Variants in RIMKLB observed in about 807,000 individuals in gnomAD.
RIMKLB encodes the protein beta-citrylglutamate synthase B.
In RIMKLB, 7 loss-of-function variants were observed where a neutral mutation model predicts 32.0. That is an observed-to-expected ratio of 0.22 (90% CI 0.12 to 0.41). The LOEUF (loss-of-function observed/expected upper bound fraction) is 0.41. Among genes scored for constraint, RIMKLB ranks in the 10% least tolerant of loss-of-function variants. RIMKLB has a pLI of 1.00. For missense variants in RIMKLB, 289 were observed against 498.7 expected, an observed-to-expected ratio of 0.58 and a Z score of 4.00; for synonymous variants, 172 against 185.1, an observed-to-expected ratio of 0.93 and a Z score of 0.57.
chr12:8,690,729 C>A (rs1942708090), intron 1 of RIMKLB, among the ~76,000 whole-genome samples: 1 of 152,172 alleles, frequency 6.6e-6, no homozygotes, highest in South Asian at 2.1e-4. Context: ...TCGAGACCAT[C>A]CCAGCCAACA....
intron 1 of RIMKLB, among the ~76,000 whole-genome samples, chr12:8,704,971 A>AACACAC (rs3076182): frequency 0.013 from 1,842 of 146,654 alleles, 42 homozygotes; most frequent in African/African-American, 0.041. Flanking sequence ...TCACCTCTAA[A>AACACAC]ACACACACAC....
At chr12:8,707,400 G>C (rs1943981592) in intron 1 of RIMKLB, among the ~76,000 whole-genome samples, 1 of 152,214 alleles carries the variant, frequency 6.6e-6, no homozygotes, top group African/African-American at 2.4e-5. Flanking sequence ...CAGATGAAAA[G>C]GTGCCTAGGG....
intron 1 of RIMKLB, among the ~76,000 whole-genome samples, chr12:8,688,702 A>G (rs781730567): frequency 6.6e-6 from 1 of 152,278 alleles, no homozygotes; most frequent in African/African-American, 2.4e-5. Flanking sequence ...TATATAATTA[A>G]AAAAACTTGT....
chr12:8,749,331 C>A (rs775898040), intron 2 of RIMKLB, among the ~76,000 whole-genome samples: 1 of 152,098 alleles, frequency 6.6e-6, no homozygotes, highest in Non-Finnish European at 1.5e-5. Context: ...CTGCCTCAGC[C>A]TCCCGAGTAG....
chr12:8,710,241 A>C (rs1591674019), intron 1 of RIMKLB, among the ~76,000 whole-genome samples: 1 of 144,526 alleles, frequency 6.9e-6, no homozygotes. Flanking sequence ...TGATCTGCCC[A>C]CCTCAGCCTC....
chr12:8,675,099 G>A, the RIMKLB span, among the ~76,000 whole-genome samples: 4 of 152,238 alleles, frequency 2.6e-5, no homozygotes, highest in African/African-American at 9.6e-5. Flanking sequence ...CCAACCTCAG[G>A]TGATCCACCC....
chr12:8,709,753 C>T (rs761885763), intron 1 of RIMKLB, among the ~76,000 whole-genome samples: 8 of 152,294 alleles, frequency 5.3e-5, no homozygotes, highest in Admixed American at 1.3e-4. Context: ...GTGGGAGAGA[C>T]ACCGCATTCA....
the RIMKLB span, among the ~76,000 whole-genome samples, chr12:8,671,694 C>T: frequency 4.6e-5 from 7 of 152,020 alleles, no homozygotes; most frequent in Admixed American, 3.3e-4. Flanking sequence ...GGGTGGATCA[C>T]GAGGTCAGGA....
chr12:8,746,495 G>A (rs936660384), intron 2 of RIMKLB, among the ~76,000 whole-genome samples: 2 of 151,228 alleles, frequency 1.3e-5, no homozygotes, highest in Non-Finnish European at 2.9e-5. Flanking sequence ...CTACTTAGGA[G>A]GCTGAGGCAG....
chr12:8,690,612 G>A (rs772777191), intron 1 of RIMKLB, among the ~76,000 whole-genome samples: 6 of 152,222 alleles, frequency 3.9e-5, no homozygotes, highest in African/African-American at 1.2e-4. Context: ...CTGTGTCTCC[G>A]TTTGCTCATC....
chr12:8,765,644 C>G (rs1949896815), intron 5 of RIMKLB, among the ~76,000 whole-genome samples: 1 of 152,114 alleles, frequency 6.6e-6, no homozygotes, highest in African/African-American at 2.4e-5. Flanking sequence ...TCTGACTGGG[C>G]CGAATTCTCC....
intron 1 of RIMKLB, among the ~76,000 whole-genome samples, chr12:8,713,023 CAGAG>C (rs1278662471): frequency 6.6e-6 from 1 of 152,074 alleles, no homozygotes; most frequent in South Asian, 2.1e-4. Context: ...GATACAAACT[CAGAG>C]AAGCAACACC....
At chr12:8,728,334 C>T (rs1046650506) in intron 2 of RIMKLB, among the ~76,000 whole-genome samples, 1 of 152,166 alleles carries the variant, frequency 6.6e-6, no homozygotes, top group African/African-American at 2.4e-5. Flanking sequence ...GTAAAAGGAA[C>T]TGGAGTAAAT....
At chr12:8,758,564 C>G (rs1351275679) in intron 5 of RIMKLB, among the ~76,000 whole-genome samples, 1 of 152,120 alleles carries the variant, frequency 6.6e-6, no homozygotes, top group Non-Finnish European at 1.5e-5. Flanking sequence ...TAATGTCAAG[C>G]ATATTCATCT....
At chr12:8,741,655 C>T (rs1471637669) in intron 2 of RIMKLB, among the ~76,000 whole-genome samples, 2 of 151,040 alleles carry the variant, frequency 1.3e-5, no homozygotes, top group African/African-American at 4.9e-5. Flanking sequence ...TGGCGGGTGC[C>T]TGTAGTCCCA....
rs1943002415 is a variant in RIMKLB, at chr12:8,698,061, G to A, written c.-293G>A. On this transcript the variant is annotated 5_prime_UTR_variant, in exon 1 of 6. Transcript: ENST00000535829. ...TGGGAGTGAGAGTGTGTGGGAGTGG[G>A]GTGAGGGAGAAGCTGACGGGACGCG... is the stretch of plus-strand genomic sequence containing the variant. 7 of 262,776 alleles carry A rather than the reference G, an allele frequency of 2.7e-5. No homozygotes were observed. The Admixed American group carries it at 3.5e-4, about 13-fold the overall frequency. The allele number at this position is 262,776 out of a possible 1,614,324, so 16.3% of individuals were successfully genotyped here. A position where few individuals can be genotyped will look rare whatever the true frequency, so the allele number is the denominator to read the frequency against.
At chr12:8,747,561 CTTATT>C (rs1478152850) in intron 2 of RIMKLB, among the ~76,000 whole-genome samples, 7 of 151,960 alleles carry the variant, frequency 4.6e-5, no homozygotes, top group East Asian at 1.9e-4. Context: ...GAGCAAGGAC[CTTATT>C]TTATTTATTA....
chr12:8,775,349 A>G lies in RIMKLB; in HGVS notation c.*1565A>G. 1.0e-6 allele frequency: 1 copy of G among 985,360 alleles called. No homozygotes were observed. The highest frequency in any genetic ancestry group is 1.2e-6 in the Non-Finnish European group (1 of 829,862). 61.0% of individuals were successfully genotyped at this position (985,360 alleles called of 1,614,324 possible). On this transcript the variant is annotated 3_prime_UTR_variant, in exon 6 of 6. Transcript: ENST00000535829. ...CTTGCAGAATTTATAAAAGCCCCCAAACTGCATATAATATGAGCCTTTAAA... is the reference window on the plus strand; with the variant it reads ...CTTGCAGAATTTATAAAAGCCCCCAGACTGCATATAATATGAGCCTTTAAA...
intron 1 of RIMKLB, among the ~76,000 whole-genome samples, chr12:8,709,875 A>G (rs1294727782): frequency 1.4e-5 from 2 of 147,776 alleles, no homozygotes; most frequent in African/African-American, 5.4e-5. Flanking sequence ...AAAACATAGT[A>G]TATGTACTAT....
Sources: gnomAD v4.1 joint callset for allele counts (sites outside exome capture counted in the v4.1 genomes callset) on GRCh38, gnomAD v4.1.1 for gene constraint, MANE v1.5 for transcripts, NCBI Gene and HGNC (gene_info 2026-07-23, HGNC 2026-07-21) for gene names.